SPMAP2: variants seen among roughly 807,000 people sequenced by gnomAD.
SPMAP2 encodes sperm microtubule associated protein 2, also known as Theg homolog.
chr19:373,964 A>G, the SPMAP2 span: 1 of 1,604,278 alleles, frequency 6.2e-7, no homozygotes, highest in South Asian at 1.1e-5. Flanking sequence ...GTGCAAGCTC[A>G]TCTTACATGG....
the SPMAP2 span, among the ~76,000 whole-genome samples, chr19:364,353 A>G: frequency 0.037 from 5,511 of 149,170 alleles, 240 homozygotes; most frequent in African/African-American, 0.093. Context: ...AAAAAAAAAA[A>G]AAAGAAAGAA....
the SPMAP2 span, chr19:373,412 G>C: frequency 6.4e-7 from 1 of 1,566,038 alleles, no homozygotes; most frequent in Non-Finnish European, 8.8e-7. Flanking sequence ...GGCGGGGCAG[G>C]TTCCCTGGAG....
the SPMAP2 span, among the ~76,000 whole-genome samples, chr19:364,925 C>T: frequency 6.6e-6 from 1 of 152,220 alleles, no homozygotes; most frequent in African/African-American, 2.4e-5. Flanking sequence ...AAGCTCCCAC[C>T]TTCTTTCCAG....
At chr19:366,218 C>T in the SPMAP2 span, among the ~76,000 whole-genome samples, 10 of 152,012 alleles carry the variant, frequency 6.6e-5, no homozygotes, top group East Asian at 1.9e-4. Flanking sequence ...CGCATGCACA[C>T]GCACAAACAC....
chr19:363,564 T>C, the SPMAP2 span, among the ~76,000 whole-genome samples: 1 of 152,016 alleles, frequency 6.6e-6, no homozygotes, highest in African/African-American at 2.4e-5. Flanking sequence ...GACAGAGTCT[T>C]GCTCTGTTGC....
chr19:373,602 C>G, the SPMAP2 span: 1 of 1,516,466 alleles, frequency 6.6e-7, no homozygotes, highest in Non-Finnish European at 9.1e-7. Context: ...AAGCCTGGGT[C>G]TCTGCCAGGA....
At chr19:363,998 C>T in the SPMAP2 span, among the ~76,000 whole-genome samples, 462 of 152,188 alleles carry the variant, frequency 3.0e-3, 5 homozygotes, top group African/African-American at 0.011. Flanking sequence ...ACTGCCACAT[C>T]GAGCTACGAA....
the SPMAP2 span, among the ~76,000 whole-genome samples, chr19:368,830 C>A: frequency 3.3e-5 from 5 of 152,190 alleles, no homozygotes; most frequent in Non-Finnish European, 4.4e-5. The surrounding 1 kb of genome is among the most constrained non-coding windows in gnomAD (Gnocchi z 4.1). Flanking sequence ...CTCTTCCCAC[C>A]AGCCCTGCGG....
At chr19:371,750 T>G in the SPMAP2 span, among the ~76,000 whole-genome samples, 1 of 152,176 alleles carries the variant, frequency 6.6e-6, no homozygotes, top group South Asian at 2.1e-4. Flanking sequence ...GTTGCAAAGC[T>G]GGGGAAAGCG....
the SPMAP2 span, chr19:375,661 A>G: frequency 3.9e-6 from 6 of 1,551,882 alleles, no homozygotes; most frequent in Middle Eastern, 1.7e-4. Flanking sequence ...CCCGGTGCCC[A>G]CCTGATTTCA....
the SPMAP2 span, among the ~76,000 whole-genome samples, chr19:372,856 CAG>C: frequency 6.6e-6 from 1 of 152,198 alleles, no homozygotes; most frequent in African/African-American, 2.4e-5. Context: ...AGACACCCTG[CAG>C]AGAGAAGATT....
the SPMAP2 span, among the ~76,000 whole-genome samples, chr19:370,602 A>C: frequency 6.6e-6 from 1 of 151,646 alleles, no homozygotes; most frequent in African/African-American, 2.4e-5. Context: ...CACCCGCCTC[A>C]GCCTTCCAAA....
the SPMAP2 span, chr19:372,509 G>T: frequency 2.0e-6 from 2 of 983,472 alleles, no homozygotes; most frequent in South Asian, 3.0e-5. Flanking sequence ...AGCCCCGTCT[G>T]AACACCAGCT....
the SPMAP2 span, among the ~76,000 whole-genome samples, chr19:370,512 T>A: frequency 2.0e-5 from 3 of 150,712 alleles, no homozygotes; most frequent in Non-Finnish European, 3.0e-5. Flanking sequence ...CGGCTAATTT[T>A]TTTTTTTTTT....
the SPMAP2 span, chr19:367,011 C>T: frequency 4.4e-6 from 7 of 1,586,484 alleles, no homozygotes; most frequent in Non-Finnish European, 6.0e-6. Flanking sequence ...ATAAGGTGTC[C>T]CTTGGGATCT....
the SPMAP2 span, among the ~76,000 whole-genome samples, chr19:364,055 T>TGCC: frequency 2.0e-5 from 3 of 150,964 alleles, no homozygotes; most frequent in Non-Finnish European, 4.4e-5. Flanking sequence ...ATATTTCGGT[T>TGCC]GGGCGCGGTG....
the SPMAP2 span, chr19:374,169 C>T: frequency 2.0e-6 from 3 of 1,511,566 alleles, no homozygotes; most frequent in Non-Finnish European, 1.8e-6. Flanking sequence ...CCCCACCTAC[C>T]CTAAGTTTGC....
the SPMAP2 span, chr19:374,450 A>G: frequency 6.2e-7 from 1 of 1,613,672 alleles, no homozygotes; most frequent in South Asian, 1.1e-5. Flanking sequence ...TTGAAGTTGG[A>G]GCTGCTTTCC....
At chr19:373,907 A>G in the SPMAP2 span, 2 of 1,598,848 alleles carry the variant, frequency 1.3e-6, no homozygotes, top group Non-Finnish European at 1.7e-6. Flanking sequence ...GTCCCCCAGC[A>G]TAGGCACACG....
Sources: allele counts gnomAD v4.1 joint callset (sites outside exome capture counted in the v4.1 genomes callset), GRCh38; gene constraint gnomAD v4.1.1; non-coding constraint Gnocchi (gnomAD v3.1); transcripts MANE v1.5; gene names NCBI Gene and HGNC (gene_info 2026-07-23, HGNC 2026-07-21).